RNF220: variants seen among roughly 807,000 people sequenced by gnomAD.
RNF220 encodes the protein E3 ubiquitin-protein ligase RNF220.
RNF220 carries 7 observed loss-of-function variants against 67.1 expected under a neutral mutation model. That is an observed-to-expected ratio of 0.10 (90% CI 0.06 to 0.20). RNF220 has a LOEUF of 0.20. Ranked by LOEUF, RNF220 falls within the 10% of genes least tolerant of loss-of-function variation. RNF220 has a pLI of 1.00. For synonymous variants in RNF220, 270 were observed against 283.2 expected, an observed-to-expected ratio of 0.95 and a Z score of 0.47; for missense variants, 565 against 740.3, an observed-to-expected ratio of 0.76 and a Z score of 2.75.
chr1:44,445,613 T>C (rs1651996821), intron 2 of RNF220, among the ~76,000 whole-genome samples: 1 of 152,214 alleles, frequency 6.6e-6, no homozygotes. Flanking sequence ...TTACCCTTTT[T>C]CTTCCCTTTA....
chr1:44,492,885 G>A (rs1046152489), intron 2 of RNF220, among the ~76,000 whole-genome samples: 22 of 152,028 alleles, frequency 1.4e-4, no homozygotes, highest in African/African-American at 5.1e-4. Context: ...CATACCTACT[G>A]TGAAAATCCA....
intron 2 of RNF220, among the ~76,000 whole-genome samples, chr1:44,552,780 A>T (rs1320961396): frequency 6.6e-6 from 1 of 151,920 alleles, no homozygotes; most frequent in Non-Finnish European, 1.5e-5. Context: ...CTTGTTAGCC[A>T]GGATGGCCTC....
At chr1:44,588,701 G>A (rs1665888452) in intron 2 of RNF220, among the ~76,000 whole-genome samples, 1 of 152,242 alleles carries the variant, frequency 6.6e-6, no homozygotes, top group Admixed American at 6.5e-5. Context: ...TGGGCCGACT[G>A]CTGGGCCAGG....
At chr1:44,503,032 C>T (rs1658067860) in intron 2 of RNF220, among the ~76,000 whole-genome samples, 1 of 151,866 alleles carries the variant, frequency 6.6e-6, no homozygotes, top group South Asian at 2.1e-4. Context: ...ATGTTGGGTG[C>T]ATTTGAAGTG....
At chr1:44,488,269 G>A (rs1223129035) in intron 2 of RNF220, among the ~76,000 whole-genome samples, 2 of 151,848 alleles carry the variant, frequency 1.3e-5, no homozygotes, top group African/African-American at 2.4e-5. Context: ...CCGAGTAGCT[G>A]GGATTATAGG....
intron 2 of RNF220, among the ~76,000 whole-genome samples, chr1:44,420,422 C>T (rs1649082308): frequency 6.6e-6 from 1 of 152,186 alleles, no homozygotes; most frequent in Non-Finnish European, 1.5e-5. Context: ...GGGGCAAGGG[C>T]CAGCCCTGGA....
intron 2 of RNF220, among the ~76,000 whole-genome samples, chr1:44,590,029 A>G (rs573976573): frequency 6.6e-6 from 1 of 152,320 alleles, no homozygotes; most frequent in East Asian, 1.9e-4. Context: ...CCCAAGGCAA[A>G]GCCAGATATG....
chr1:44,455,917 C>G (rs186220955), intron 2 of RNF220, among the ~76,000 whole-genome samples: 12 of 152,252 alleles, frequency 7.9e-5, no homozygotes, highest in Admixed American at 3.3e-4. Flanking sequence ...GGCCAGACAG[C>G]TAAGTGATGA....
chr1:44,456,994 A>G (rs1572560102), intron 2 of RNF220, among the ~76,000 whole-genome samples: 1 of 151,508 alleles, frequency 6.6e-6, no homozygotes, highest in South Asian at 2.1e-4. Flanking sequence ...TCCTGCTCCT[A>G]CCTATCCCCA....
intron 2 of RNF220, among the ~76,000 whole-genome samples, chr1:44,446,148 T>G (rs1652057689): frequency 6.6e-6 from 1 of 152,208 alleles, no homozygotes; most frequent in Non-Finnish European, 1.5e-5. Flanking sequence ...ACATGAGTAT[T>G]AACTTTGCAG....
At chr1:44,525,871 C>T (rs1027772967) in intron 2 of RNF220, among the ~76,000 whole-genome samples, 2 of 152,162 alleles carry the variant, frequency 1.3e-5, no homozygotes, top group Non-Finnish European at 2.9e-5. Context: ...ATAATGAACT[C>T]TGAATCCCAT....
In RNF220 at chr1:44,650,659, C is replaced by T. The variant is rs763788082; in HGVS notation, c.1630-45C>T. On this transcript the variant is annotated intron_variant, in intron 14 of 14. Coordinates refer to ENST00000361799, the MANE Select transcript of RNF220 (RefSeq NM_018150.4). This position sits in a 1 kb window ranked among gnomAD's most constrained non-coding sequence, Gnocchi z 4.3. Reference sequence around the variant, plus strand: ...AGGCCCAGGTGCTCACATGCGCACACATGGCTCATTGTGTAGACCAGAGCC... The same window carrying T: ...AGGCCCAGGTGCTCACATGCGCACATATGGCTCATTGTGTAGACCAGAGCC... 1.9e-6 allele frequency: 3 copies of T among 1,597,236 alleles called. No individual in the cohort carries two copies. The highest frequency in any genetic ancestry group is 1.7e-6 in the Non-Finnish European group (2 of 1,165,004).
rs1557976986 is a variant in RNF220, at chr1:44,491,051, C to G, written c.625+78329C>G. Among the ~76,000 whole-genome samples the G allele has an allele frequency of 2.6e-5, 4 of 152,172 alleles. No homozygotes were observed. The South Asian group carries it at 8.3e-4, about 32-fold the overall frequency. On this transcript the variant is annotated intron_variant, in intron 2 of 14. Transcript: ENST00000361799. ...CTGACTCAAGAAGAAGAAAAATCTG[C>G]ATAGACCTATAACAATTAAGGAAAT...
chr1:44,451,552 G>C (rs1376126719), intron 2 of RNF220, among the ~76,000 whole-genome samples: 1 of 151,716 alleles, frequency 6.6e-6, no homozygotes, highest in African/African-American at 2.4e-5. Context: ...TTTTTTCCTG[G>C]TCTATTGCTG....
intron 2 of RNF220, among the ~76,000 whole-genome samples, chr1:44,581,079 G>C (rs1665242084): frequency 2.6e-5 from 4 of 152,256 alleles, no homozygotes. Context: ...GGCTGAGAGA[G>C]AGAGTGTCCG....
At chr1:44,469,240 A>G (rs1345631896) in intron 2 of RNF220, among the ~76,000 whole-genome samples, 2 of 152,220 alleles carry the variant, frequency 1.3e-5, no homozygotes, top group Non-Finnish European at 2.9e-5. Flanking sequence ...ATAACCAATT[A>G]TTAAGGTTGT....
chr1:44,590,901 C>A (rs1045427655), intron 2 of RNF220, among the ~76,000 whole-genome samples: 1 of 152,072 alleles, frequency 6.6e-6, no homozygotes, highest in Non-Finnish European at 1.5e-5. Context: ...GAAGCTGAGC[C>A]CTGGAAGATA....
At position 44,597,965 on chromosome 1, in the gene RNF220, C is replaced by CCT. The variant is rs370031040; in HGVS notation, c.626-16180_626-16179dup. Among the ~76,000 whole-genome samples the CCT allele has an allele frequency of 4.7e-3, 664 of 141,404 alleles. 3 individuals carry two copies. Among genetic ancestry groups the CCT allele is most frequent in the African/African-American group, 0.013 (484 of 36,816 alleles). 92.8% of individuals were successfully genotyped at this position (141,404 alleles called of 152,430 possible). On this transcript the variant is annotated intron_variant, in intron 2 of 14. Transcript: ENST00000361799. ...GTCTCCTCACACCCCACCCCACCCA[C>CCT]CTCTCTCTCTCTCTCTCTCTCGTTC...
chr1:44,580,427 A>G (rs532101677), intron 2 of RNF220, among the ~76,000 whole-genome samples: 1 of 152,220 alleles, frequency 6.6e-6, no homozygotes, highest in Non-Finnish European at 1.5e-5. Flanking sequence ...TCCAGGGGAC[A>G]TTATTGTTGT....
Sources: gnomAD v4.1 joint callset for allele counts (sites outside exome capture counted in the v4.1 genomes callset) on GRCh38, gnomAD v4.1.1 for gene constraint, Gnocchi (gnomAD v3.1) non-coding constraint, MANE v1.5 for transcripts, NCBI Gene and HGNC (gene_info 2026-07-23, HGNC 2026-07-21) for gene names.